Variants in NAV3 observed in about 807,000 individuals in gnomAD.
NAV3 encodes pore membrane and/or filament interacting like protein 1.
A neutral mutation model predicts 244.7 loss-of-function variants in NAV3; 87 were observed. The ratio of observed to expected loss-of-function variants is 0.36; its 90% CI spans 0.30 to 0.42. The LOEUF is 0.42. NAV3 is among the 20% of genes least tolerant of loss of function. The pLI is 1.00. For missense variants in NAV3, 2,663 were observed against 2,893.3 expected, an observed-to-expected ratio of 0.92 and a Z score of 1.83; for synonymous variants, 1,126 against 1,042.2, an observed-to-expected ratio of 1.08 and a Z score of -1.55.
intron 2 of NAV3, among the ~76,000 whole-genome samples, chr12:77,644,613 G>A (rs1020758678): frequency 6.6e-6 from 1 of 151,936 alleles, no homozygotes; most frequent in African/African-American, 2.4e-5. Flanking sequence ...TTTTTATCAG[G>A]TTTTAACTGG....
chr12:77,725,566 T>C (rs979376239), intron 2 of NAV3, among the ~76,000 whole-genome samples: 2 of 151,244 alleles, frequency 1.3e-5, no homozygotes, highest in African/African-American at 2.4e-5. Context: ...ACTGGTAAAA[T>C]AGGGTGGAAA....
At chr12:78,038,411 G>A (rs1880286120) in intron 9 of NAV3, among the ~76,000 whole-genome samples, 1 of 152,148 alleles carries the variant, frequency 6.6e-6, no homozygotes, top group Non-Finnish European at 1.5e-5. Flanking sequence ...GCTAAATGCA[G>A]GCTTGCTTTT....
intron 20 of NAV3, among the ~76,000 whole-genome samples, chr12:78,143,573 G>A (rs1956721929): frequency 6.8e-6 from 1 of 148,016 alleles, no homozygotes; most frequent in Admixed American, 6.8e-5. Flanking sequence ...TGAGGCTGCT[G>A]CAGTGAGCGC....
At chr12:77,890,742 G>A (rs1170277051) in intron 1 of NAV3, among the ~76,000 whole-genome samples, 1 of 152,136 alleles carries the variant, frequency 6.6e-6, no homozygotes, top group Non-Finnish European at 1.5e-5. Context: ...TATGTAGATG[G>A]CTTCTTACAC....
intron 1 of NAV3, among the ~76,000 whole-genome samples, chr12:77,837,478 C>T (rs1199590397): frequency 6.6e-6 from 1 of 151,978 alleles, no homozygotes; most frequent in Non-Finnish European, 1.5e-5. Context: ...ATAGAGTATT[C>T]CATTCAGTCC....
At chr12:77,871,835 T>C (rs1008278819) in intron 1 of NAV3, among the ~76,000 whole-genome samples, 4 of 152,210 alleles carry the variant, frequency 2.6e-5, no homozygotes, top group African/African-American at 9.7e-5. Flanking sequence ...ATGGTATTTC[T>C]GGTTCTAGAT....
At chr12:78,168,332 A>C (rs1013848222) in intron 23 of NAV3, among the ~76,000 whole-genome samples, 1 of 151,850 alleles carries the variant, frequency 6.6e-6, no homozygotes, top group Non-Finnish European at 1.5e-5. Context: ...TTCATTTGAC[A>C]AAACTTCAGG....
chr12:77,793,598 T>C (rs576863488), intron 2 of NAV3, among the ~76,000 whole-genome samples: 37 of 152,312 alleles, frequency 2.4e-4, no homozygotes, highest in African/African-American at 8.7e-4. Flanking sequence ...CCTGTGTTAG[T>C]TTTCTGAGAA....
At chr12:78,208,887 G>A (rs1960607859) in intron 39 of NAV3, among the ~76,000 whole-genome samples, 2 of 152,068 alleles carry the variant, frequency 1.3e-5, no homozygotes, top group Non-Finnish European at 2.9e-5. Context: ...ACAGGCAGCT[G>A]CTAATGAGTG....
intron 9 of NAV3, chr12:78,036,433 A>G (rs755114575): frequency 6.1e-6 from 1 of 164,034 alleles, no homozygotes; most frequent in South Asian, 1.6e-4. Context: ...GGCAGGGGAA[A>G]GAAAAAAAAA....
chr12:78,034,295 A>G (rs1879485850), intron 9 of NAV3, among the ~76,000 whole-genome samples: 1 of 152,158 alleles, frequency 6.6e-6, no homozygotes, highest in Non-Finnish European at 1.5e-5. Context: ...TGGGGGAAAA[A>G]CCATCCCCAG....
At chr12:77,992,539 A>C (rs1271116720) in intron 5 of NAV3, among the ~76,000 whole-genome samples, 1 of 152,170 alleles carries the variant, frequency 6.6e-6, no homozygotes, top group Non-Finnish European at 1.5e-5. Flanking sequence ...AGGAGAATGG[A>C]GAGTTTGATG....
At chr12:77,576,138 G>A (rs974570540) in intron 2 of NAV3, among the ~76,000 whole-genome samples, 1 of 152,048 alleles carries the variant, frequency 6.6e-6, no homozygotes, top group African/African-American at 2.4e-5. Context: ...CCTTCTATGA[G>A]ACTTCAGATT....
chr12:77,787,175 T>G (rs951546980), intron 2 of NAV3, among the ~76,000 whole-genome samples: 3 of 152,130 alleles, frequency 2.0e-5, no homozygotes, highest in Non-Finnish European at 2.9e-5. Flanking sequence ...GAGAGTCATT[T>G]ATATAAAAAC....
chr12:77,654,600 C>A (rs1404925045), intron 2 of NAV3, among the ~76,000 whole-genome samples: 1 of 152,104 alleles, frequency 6.6e-6, no homozygotes. Context: ...TTGAGGAGAG[C>A]AGTGGTTCTC....
At chr12:77,608,900 A>C (rs1295931574) in intron 2 of NAV3, among the ~76,000 whole-genome samples, 1 of 151,982 alleles carries the variant, frequency 6.6e-6, no homozygotes, top group Non-Finnish European at 1.5e-5. Context: ...CCTAACATTT[A>C]TTGGCCTCAG....
intron 16 of NAV3, among the ~76,000 whole-genome samples, chr12:78,123,993 C>A (rs1955796504): frequency 6.6e-6 from 1 of 152,080 alleles, no homozygotes; most frequent in South Asian, 2.1e-4. Flanking sequence ...ATGAATGTAT[C>A]CTAGATTGTA....
Position 77,998,451 on chromosome 12 carries a change from A to G in NAV3, c.855A>G (p.Pro285=). The change falls in exon 7 of 40, where the codon CCA becomes CCG. Residue 285 remains proline, a synonymous_variant. Transcript: ENST00000397909. ...ACAGCATTGACAAAAACAAGCCTCC[A>G]AATTATGCAAATGGAAACGAAAAAG... is the stretch of plus-strand genomic sequence containing the variant. ...SFNSIDKNKP[P]NYANGNEKDS... is the part of the protein sequence containing the mutation. The G allele has an allele frequency of 6.2e-7, 1 of 1,606,310 alleles. No individual in the cohort carries two copies. The highest frequency in any genetic ancestry group is 8.5e-7 in the Non-Finnish European group (1 of 1,177,050).
At chr12:77,912,614 G>A (rs1417144076) in intron 1 of NAV3, among the ~76,000 whole-genome samples, 1 of 150,446 alleles carries the variant, frequency 6.6e-6, no homozygotes, top group Non-Finnish European at 1.5e-5. Context: ...TTGTAGTTTT[G>A]TGGGGGTTTT....
Sources: allele counts gnomAD v4.1 joint callset (sites outside exome capture counted in the v4.1 genomes callset), GRCh38; gene constraint gnomAD v4.1.1; transcripts MANE v1.5; gene names NCBI Gene and HGNC (gene_info 2026-07-23, HGNC 2026-07-21).